Variants in PPT1 observed in about 807,000 individuals in gnomAD.
PPT1 encodes the protein palmitoyl-protein thioesterase 1.
A neutral mutation model predicts 44.0 loss-of-function variants in PPT1; 24 were observed. That is an observed-to-expected ratio of 0.54 (90% CI 0.39 to 0.77). The LOEUF (loss-of-function observed/expected upper bound fraction) is 0.77, where lower values mean the gene tolerates loss of function less well. PPT1 is among the 30% of genes least tolerant of loss of function. The pLI is 0.00. For missense variants in PPT1, 341 were observed against 378.8 expected (o/e 0.90, Z 0.83); for synonymous variants, 148 against 140.2 (o/e 1.06, Z -0.39).
chr1:40,091,566 AAATAAATT>A (rs1649565027), intron 3 of PPT1, among the ~76,000 whole-genome samples, 167 bp from the exon 4 acceptor site: 1 of 152,212 alleles, frequency 6.6e-6, no homozygotes, highest in Non-Finnish European at 1.5e-5. Context: ...CTTTCATAGA[AAATAAATT>A]AAGCTCCAGC....
At chr1:40,078,764 C>A in intron 6 of PPT1, 106 bp from the exon 7 acceptor site, 1 of 938,550 alleles carries the variant, frequency 1.1e-6, no homozygotes, top group South Asian at 1.3e-5. Flanking sequence ...CACTGTGTTT[C>A]TTCCCCATGG....
At chr1:40,094,992 C>T (rs6658775) in intron 1 of PPT1, among the ~76,000 whole-genome samples, 16,376 of 152,132 alleles carry the variant, frequency 0.11, 958 homozygotes, top group East Asian at 0.16. Flanking sequence ...TCTAATTACT[C>T]TGAATATTTT....
At chr1:40,086,797 G>C (rs1649286877) in intron 5 of PPT1, among the ~76,000 whole-genome samples, 1 of 151,658 alleles carries the variant, frequency 6.6e-6, no homozygotes, top group Non-Finnish European at 1.5e-5. Flanking sequence ...GACACAGAGA[G>C]AGAAGCAACA....
chr1:40,080,584 A>C lies in PPT1; in HGVS notation c.537-97T>G. ...AAGGCCACCAAGAGACTTTAAAAGGACAAAAGGCCAGCCAGGCACAGTGGC... is the reference window on the plus strand; with the variant it reads ...AAGGCCACCAAGAGACTTTAAAAGGCCAAAAGGCCAGCCAGGCACAGTGGC... On this transcript the variant is annotated intron_variant, in intron 5 of 8. Transcript: ENST00000642050. 2.5e-6 allele frequency: 3 copies of C among 1,198,386 alleles called. No individual in the cohort carries two copies. The South Asian group carries it at 3.6e-5, about 15-fold the overall frequency. The allele number at this position is 1,198,386 out of a possible 1,614,324, so 74.2% of individuals were successfully genotyped here. A position where few individuals can be genotyped will look rare whatever the true frequency, so the allele number is the denominator to read the frequency against.
In PPT1 at chr1:40,078,636, T is replaced by C. The variant is rs1355621032; in HGVS notation, c.650A>G (p.Lys217Arg). Residue 217 changes from lysine (K) to arginine (R), a missense_variant, in exon 7 of 9, where the codon AAA becomes AGA. By Grantham distance (26) the Lys-to-Arg change is conservative. Coordinates refer to ENST00000642050, the MANE Select transcript of PPT1 (RefSeq NM_000310.4). ...QERGINESYK[K>R]NLMALKKFVM... ...AAACTTCTTCAGGGCCATCAGGTTTTTCTTGTAGGACTCATTGATACCCTG... is the reference window on the plus strand; with the variant it reads ...AAACTTCTTCAGGGCCATCAGGTTTCTCTTGTAGGACTCATTGATACCCTG... The C allele has an allele frequency of 1.9e-6, 3 of 1,613,866 alleles. No homozygotes were observed. The South Asian group carries it at 3.3e-5, about 18-fold the overall frequency.
chr1:40,089,585 G>A (rs1375111244), intron 4 of PPT1, 73 bp from the exon 5 acceptor site: 1 of 1,112,774 alleles, frequency 9.0e-7, no homozygotes, highest in Admixed American at 1.7e-5. Flanking sequence ...ACAAGGCACT[G>A]TGAGAAACAA....
At position 40,081,932 on chromosome 1, in the gene PPT1, C is replaced by T. The variant is rs530549663; in HGVS notation, c.537-1445G>A. 7.2e-5 allele frequency among the ~76,000 whole-genome samples: 11 copies of T among 152,248 alleles called. No homozygotes were observed. The East Asian group carries it at 2.1e-3, about 29-fold the overall frequency. ...CTAGAGACTTGTTGAATGGCTTTGA[C>T]CAAAAGCCTGATAGTGATATAGACA... On this transcript the variant is annotated intron_variant, in intron 5 of 8. Coordinates refer to ENST00000642050, the MANE Select transcript of PPT1 (RefSeq NM_000310.4).
intron 5 of PPT1, among the ~76,000 whole-genome samples, chr1:40,080,802 C>G (rs765129004): frequency 6.6e-6 from 1 of 152,008 alleles, no homozygotes; most frequent in East Asian, 1.9e-4. Context: ...AGAACCCCGG[C>G]GGCAGAGGTT....
At chr1:40,078,882 T>A in intron 6 of PPT1, 1 of 512,642 alleles carries the variant, frequency 2.0e-6, no homozygotes, top group Non-Finnish European at 3.7e-6. Context: ...GGGGTACATG[T>A]GTAGTTTTGT....
rs140935659 is a variant in PPT1, at chr1:40,085,426, C to T, written c.536+3984G>A. ...ATCAGCGCAGCCTGGCATTCGGGGC[C>T]GCTACCAGTCTCCACGTCTTGGTGG... On this transcript the variant is annotated intron_variant, in intron 5 of 8. Coordinates refer to ENST00000642050, the MANE Select transcript of PPT1 (RefSeq NM_000310.4). Among the ~76,000 whole-genome samples, 117 of 152,264 alleles carry T rather than the reference C, an allele frequency of 7.7e-4. 3 individuals are homozygous for T. In the East Asian group the frequency reaches 0.022, roughly 29 times the overall value.
At position 40,092,079 on chromosome 1, in the gene PPT1, T is replaced by C. The variant is rs776026842; in HGVS notation, c.328A>G (p.Asn110Asp). 3.1e-6 allele frequency: 5 copies of C among 1,614,096 alleles called. No homozygotes were observed. The South Asian group carries it at 5.5e-5, about 18-fold the overall frequency. ...CCTCCCTGGGAGAATCCCATAGCAT[T>C]GTAGCCTTGCTGCAATTTAGGATCC... is the stretch of plus-strand genomic sequence containing the variant. ...AKDPKLQQGY[N>D]AMGFSQGGQF... The change falls in exon 3 of 9, where the codon AAT (asparagine) becomes GAT (aspartate). Residue 110 changes from asparagine (N) to aspartate (D), a missense_variant. Asn to Asp is a conservative substitution (Grantham distance 23). Transcript: ENST00000642050.
At chr1:40,076,761 C>T in intron 8 of PPT1, 81 bp downstream of exon 8, 1 of 1,608,918 alleles carries the variant, frequency 6.2e-7, no homozygotes, top group Non-Finnish European at 8.5e-7. Context: ...GAAAGGGCTC[C>T]AGCACCAAAG....
rs542546691 is a variant in PPT1, at chr1:40,096,976, C to A, written c.124+139G>T. On this transcript the variant is annotated intron_variant, in intron 1 of 8. Transcript: ENST00000642050. ...CCCCTTCTCTCTTTCCAATGCAGAT[C>A]CTTCAAATCCTAAAATGTCGAGGCA... The A allele has an allele frequency of 2.7e-6, 4 of 1,459,752 alleles. No individual in the cohort carries two copies. In the South Asian group the frequency reaches 3.5e-5, roughly 13 times the overall value. 90.4% of individuals were successfully genotyped at this position (1,459,752 alleles called of 1,614,324 possible). A position where few individuals can be genotyped will look rare whatever the true frequency, so the allele number is the denominator to read the frequency against.
At chr1:40,090,877 A>ATTGGGGAAG (rs1443381231) in intron 4 of PPT1, among the ~76,000 whole-genome samples, 9 of 152,340 alleles carry the variant, frequency 5.9e-5, no homozygotes, top group Admixed American at 6.5e-5. Context: ...TTCTAATGAC[A>ATTGGGGAAG]CATCCTTCCC....
intron 1 of PPT1, among the ~76,000 whole-genome samples, chr1:40,096,449 G>T (rs1458324283): frequency 6.6e-6 from 1 of 152,122 alleles, no homozygotes; most frequent in Non-Finnish European, 1.5e-5. Flanking sequence ...CCCAAAATCT[G>T]AAAGTTTTTC....
intron 4 of PPT1, 127 bp downstream of exon 4, chr1:40,091,202 G>A (rs2124486577): frequency 1.0e-6 from 1 of 981,176 alleles, no homozygotes; most frequent in Non-Finnish European, 1.6e-6. Flanking sequence ...TTTGTTAAAA[G>A]CTAGAGAAAC....
At chr1:40,071,648 C>G, downstream of PPT1, 1 of 674,050 alleles carries the variant, frequency 1.5e-6, no homozygotes, top group Non-Finnish European at 2.6e-6. Context: ...CTTCTCTGCT[C>G]TGAGAAGCAC....
At chr1:40,071,624 T>G, downstream of PPT1, 1 of 847,354 alleles carries the variant, frequency 1.2e-6, no homozygotes. Context: ...TCTACCTTTT[T>G]GCTCTTAAAA....
At chr1:40,093,991 G>C (rs751669122) in intron 1 of PPT1, 2 of 716,094 alleles carry the variant, frequency 2.8e-6, no homozygotes, top group South Asian at 1.5e-5. Context: ...CCAAGAGTTC[G>C]AGACCAGTTT....
Sources: allele counts gnomAD v4.1 joint callset (sites outside exome capture counted in the v4.1 genomes callset), GRCh38; gene constraint gnomAD v4.1.1; transcripts MANE v1.5; gene names NCBI Gene and HGNC (gene_info 2026-07-23, HGNC 2026-07-21).